The following TECPR2 variants were observed in gnomAD, a reference collection of about 807,000 sequenced individuals.
TECPR2 encodes tectonin beta-propeller repeat containing 2.
A neutral mutation model predicts 138.1 loss-of-function variants in TECPR2; 65 were observed. That is an observed-to-expected ratio of 0.47 (90% CI 0.39 to 0.58). The LOEUF (loss-of-function observed/expected upper bound fraction) is 0.58, where lower values mean the gene tolerates loss of function less well. Ranked by LOEUF, TECPR2 falls within the 20% of genes least tolerant of loss-of-function variation. The probability of loss-of-function intolerance (pLI) is 0.00; values close to 1 mark genes in which losing one functional copy is unlikely to be tolerated. For missense variants in TECPR2, 1,553 were observed against 1,824.5 expected (o/e 0.85, Z 2.71); for synonymous variants, 746 against 749.8 (o/e 0.99, Z 0.08).
chr14:102,416,236 C>T (rs1352676751), intron 5 of TECPR2, among the ~76,000 whole-genome samples: 3 of 152,178 alleles, frequency 2.0e-5, no homozygotes, highest in Non-Finnish European at 2.9e-5. Flanking sequence ...ATTCTCCTGC[C>T]TCAGCCTCCT....
In TECPR2 at chr14:102,501,604, AGG is replaced by A. The variant is rs1891436818; in HGVS notation, c.*3349_*3350del. 6.6e-6 allele frequency: 1 copy of A among 152,212 alleles called. No homozygotes were observed. The highest frequency in any genetic ancestry group is 2.1e-4 in the South Asian group (1 of 4,834). 9.4% of individuals were successfully genotyped at this position (152,212 alleles called of 1,614,324 possible). On this transcript the variant is annotated 3_prime_UTR_variant, in exon 20 of 20. Coordinates refer to ENST00000359520, the MANE Select transcript of TECPR2 (RefSeq NM_014844.5). Reference sequence around the variant, plus strand: ...TGCTGCAAATTAAAAACCTCAAAGAAGGGAAATAATTGCAACAAATGGGAATT... The same window carrying A: ...TGCTGCAAATTAAAAACCTCAAAGAAGAAATAATTGCAACAAATGGGAATT...
intron 16 of TECPR2, among the ~76,000 whole-genome samples, chr14:102,458,966 C>CATATATATATATATATATATATATATAT (rs3068229): frequency 7.2e-6 from 1 of 138,368 alleles, no homozygotes; most frequent in African/African-American, 2.7e-5. Context: ...AAAATACACA[C>CATATATATATATATATATATATATATAT]ATATATATAT....
rs114379020 is a variant in TECPR2 at position 102,422,208 on chromosome 14, A to G, written c.639-2771A>G. ...AAATGCTCATAGCACAATTGCTCAA[A>G]ATAGCTTTAAAAAATAATAATTGAA... On this transcript the variant is annotated intron_variant, in intron 5 of 19. Coordinates refer to ENST00000359520, the MANE Select transcript of TECPR2 (RefSeq NM_014844.5). 6.0e-3 allele frequency among the ~76,000 whole-genome samples: 918 copies of G among 152,310 alleles called. 14 individuals are homozygous for G. Among genetic ancestry groups the G allele is most frequent in the African/African-American group, 0.021 (884 of 41,560 alleles).
rs776761080 is a variant in TECPR2 at position 102,434,256 on chromosome 14, G to C, written c.1439G>C (p.Cys480Ser). The change falls in exon 9 of 20, where the codon TGT (cysteine) becomes TCT (serine). Residue 480 changes from cysteine (C) to serine (S), a missense_variant. Coordinates refer to ENST00000359520, the MANE Select transcript of TECPR2 (RefSeq NM_014844.5). ...KKTEGGSRST[C>S]HSSLESTPCS... Reference sequence around the variant, plus strand: ...TTAGAAGGTGGAAGCAGGAGCACCTGTCACAGCTCCCTGGAATCGACACCC... The same window carrying C: ...TTAGAAGGTGGAAGCAGGAGCACCTCTCACAGCTCCCTGGAATCGACACCC... 7.3e-7 allele frequency: 1 copy of C among 1,379,168 alleles called. No individual in the cohort carries two copies. The highest frequency in any genetic ancestry group is 9.4e-7 in the Non-Finnish European group (1 of 1,060,182). The allele number at this position is 1,379,168 out of a possible 1,614,324, so 85.4% of individuals were successfully genotyped here.
intron 6 of TECPR2, among the ~76,000 whole-genome samples, chr14:102,427,173 GA>G (rs1361235704): frequency 7.2e-5 from 11 of 152,184 alleles, no homozygotes; most frequent in Non-Finnish European, 1.5e-4. Context: ...GGGATATTCT[GA>G]AAGGTATTTT....
intron 2 of TECPR2, among the ~76,000 whole-genome samples, chr14:102,400,455 T>C (rs1249087271): frequency 6.6e-6 from 1 of 152,246 alleles, no homozygotes; most frequent in African/African-American, 2.4e-5. Context: ...TATAAAGGTA[T>C]AATTTTGTGA....
Position 102,438,225 on chromosome 14 carries a change from GC to G in TECPR2, c.2578+21del. ...CCTCAGGTTCGCCTCCCCGCTCCCTGCTCCCGCTCCCTGCTCCCGCTCGCCG... is the reference window on the plus strand; with the variant it reads ...CCTCAGGTTCGCCTCCCCGCTCCCTGTCCCGCTCCCTGCTCCCGCTCGCCG... On this transcript the variant is annotated intron_variant, in intron 10 of 19. Transcript: ENST00000359520. 1 of 866,156 alleles carries G rather than the reference GC, an allele frequency of 1.2e-6. No individual in the cohort carries two copies. Among genetic ancestry groups the G allele is most frequent in the Non-Finnish European group, 1.7e-6 (1 of 599,654 alleles). 53.7% of individuals were successfully genotyped at this position (866,156 alleles called of 1,614,324 possible).
intron 2 of TECPR2, among the ~76,000 whole-genome samples, chr14:102,386,710 T>G (rs1888015722): frequency 6.6e-6 from 1 of 152,166 alleles, no homozygotes; most frequent in Admixed American, 6.6e-5. Context: ...TAGAAATTTT[T>G]GGTACATATT....
intron 2 of TECPR2, among the ~76,000 whole-genome samples, chr14:102,378,623 A>T (rs1344895310): frequency 1.3e-5 from 2 of 151,244 alleles, no homozygotes; most frequent in South Asian, 2.1e-4. Context: ...GGTCTGTATT[A>T]ATATATATAT....
chr14:102,400,107 G>A (rs1888435980), intron 2 of TECPR2, among the ~76,000 whole-genome samples: 2 of 149,116 alleles, frequency 1.3e-5, no homozygotes, highest in Admixed American at 1.3e-4. Flanking sequence ...GTACAGTGGT[G>A]TGATATGGGC....
chr14:102,480,391 A>G (rs1018677674), intron 17 of TECPR2, among the ~76,000 whole-genome samples: 2 of 151,700 alleles, frequency 1.3e-5, no homozygotes, highest in African/African-American at 4.8e-5. Flanking sequence ...CACCTGGCTA[A>G]TGTTTTGTGT....
intron 16 of TECPR2, among the ~76,000 whole-genome samples, chr14:102,455,385 G>C (rs1202379283): frequency 6.6e-6 from 1 of 152,232 alleles, no homozygotes; most frequent in Non-Finnish European, 1.5e-5. Context: ...GCAGGACAGA[G>C]CTGGGCCCCA....
intron 17 of TECPR2, among the ~76,000 whole-genome samples, chr14:102,474,982 G>A (rs895725160): frequency 5.9e-5 from 9 of 152,190 alleles, no homozygotes; most frequent in African/African-American, 1.4e-4. Flanking sequence ...TGGTTGTGCC[G>A]GGCCTCCTCA....
chr14:102,497,523 C>T, intron 18 of TECPR2, 47 bp from the exon 19 acceptor site: 3 of 1,455,050 alleles, frequency 2.1e-6, no homozygotes, highest in Non-Finnish European at 1.8e-6. Flanking sequence ...AGCAGCGGCC[C>T]ATCCCGTCCA....
chr14:102,407,632 G>A (rs1215148359), intron 3 of TECPR2, among the ~76,000 whole-genome samples, 166 bp downstream of exon 3: 1 of 152,286 alleles, frequency 6.6e-6, no homozygotes, highest in East Asian at 1.9e-4. Flanking sequence ...GGAAGGCCAA[G>A]GCGGGCTGAT....
At chr14:102,428,490 G>A in intron 7 of TECPR2, 108 bp downstream of exon 7, 1 of 1,526,302 alleles carries the variant, frequency 6.6e-7, no homozygotes, top group Non-Finnish European at 8.9e-7. Context: ...GCCAGGCATG[G>A]TGGCTCACGC....
intron 1 of TECPR2, among the ~76,000 whole-genome samples, chr14:102,373,409 A>G (rs1329557224): frequency 1.3e-5 from 2 of 152,204 alleles, no homozygotes; most frequent in African/African-American, 4.8e-5. Context: ...ATTACATGAG[A>G]TATGCAACAC....
rs566180687 is a variant in TECPR2, at chr14:102,492,815, G to A, written c.3790-4164G>A. ...CAAGGCCAGGGTGAGGCTGGGCCCC[G>A]CTTGCTCTTCCCACCATGTTCTGTT... On this transcript the variant is annotated intron_variant, in intron 17 of 19. Transcript: ENST00000359520. Among the ~76,000 whole-genome samples, 9 of 152,368 alleles carry A rather than the reference G, an allele frequency of 5.9e-5. No individual in the cohort carries two copies. The East Asian group carries it at 1.3e-3, about 23-fold the overall frequency.
At chr14:102,391,280 G>A (rs549453790) in intron 2 of TECPR2, among the ~76,000 whole-genome samples, 2 of 152,206 alleles carry the variant, frequency 1.3e-5, no homozygotes, top group South Asian at 4.1e-4. Flanking sequence ...GGCTGGTCTC[G>A]AACTCCTGAC....
Sources: allele counts gnomAD v4.1 joint callset (sites outside exome capture counted in the v4.1 genomes callset), GRCh38; gene constraint gnomAD v4.1.1; transcripts MANE v1.5; gene names NCBI Gene and HGNC (gene_info 2026-07-23, HGNC 2026-07-21).